The following TAX1BP1 variants were observed in gnomAD, a reference collection of about 807,000 sequenced individuals.
TAX1BP1 encodes the protein tax1-binding protein 1.
A neutral mutation model predicts 97.7 loss-of-function variants in TAX1BP1; 62 were observed. That is an observed-to-expected ratio of 0.63 (90% CI 0.52 to 0.78). The LOEUF (loss-of-function observed/expected upper bound fraction) is 0.78. Ranked by LOEUF, TAX1BP1 falls within the 30% of genes least tolerant of loss-of-function variation. The pLI is 0.00. For missense variants in TAX1BP1, 867 were observed against 916.1 expected (o/e 0.95, Z 0.69); for synonymous variants, 340 against 304.2 (o/e 1.12, Z -1.23).
chr7:27,785,158 C>T lies in TAX1BP1; in HGVS notation c.613-5C>T, dbSNP rs369150158. On this transcript the variant is annotated splice_polypyrimidine_tract_variant and splice_region_variant and intron_variant, in intron 5 of 16. Transcript: ENST00000396319. Reference sequence around the variant, plus strand: ...TTCTCAAAATACCTTGTTGTCACTTCTCAGGGTCTTACTGAAGTAACACAA... The same window carrying T: ...TTCTCAAAATACCTTGTTGTCACTTTTCAGGGTCTTACTGAAGTAACACAA... The T allele has an allele frequency of 6.9e-6, 11 of 1,599,544 alleles. No homozygotes were observed. The African/African-American group carries it at 1.5e-4, about 22-fold the overall frequency.
intron 13 of TAX1BP1, among the ~76,000 whole-genome samples, chr7:27,813,959 A>G (rs1005477535): frequency 3.3e-5 from 5 of 152,184 alleles, no homozygotes; most frequent in African/African-American, 1.2e-4. Context: ...CTCACTTAAC[A>G]TCATAGAGCA....
rs762253510 is a variant in TAX1BP1, at chr7:27,765,891, A to G, written c.323A>G (p.Lys108Arg). The G allele has an allele frequency of 2.3e-5, 37 of 1,614,050 alleles. 1 individual carries two copies. In the South Asian group the frequency reaches 3.8e-4, roughly 17 times the overall value. ...EFYQFCYVTH[K>R]GEIRGASTPF... ...TATCAGTTCTGTTACGTTACCCATAAGGGTGAAATTCGTGGAGCAAGTACA... is the reference window on the plus strand; with the variant it reads ...TATCAGTTCTGTTACGTTACCCATAGGGGTGAAATTCGTGGAGCAAGTACA... Residue 108 changes from lysine (K) to arginine (R), a missense_variant, in exon 4 of 17, where the codon AAG becomes AGG. Transcript: ENST00000396319.
chr7:27,768,365 C>G (rs996984747), intron 4 of TAX1BP1, among the ~76,000 whole-genome samples: 1 of 151,836 alleles, frequency 6.6e-6, no homozygotes, highest in Admixed American at 6.6e-5. Context: ...TTCCAAAATA[C>G]AAAATTGAGG....
chr7:27,755,800 A>G (rs547559789), intron 2 of TAX1BP1, among the ~76,000 whole-genome samples: 141 of 152,336 alleles, frequency 9.3e-4, no homozygotes, highest in African/African-American at 2.9e-3. Context: ...TGTGACTACA[A>G]TTAACTGGTT....
intron 15 of TAX1BP1, among the ~76,000 whole-genome samples, chr7:27,825,992 G>A (rs1791163930): frequency 6.6e-6 from 1 of 151,618 alleles, no homozygotes; most frequent in Non-Finnish European, 1.5e-5. Context: ...AGAAAATTTT[G>A]TTCCTTATCA....
intron 2 of TAX1BP1, among the ~76,000 whole-genome samples, chr7:27,750,166 A>G (rs1202005399): frequency 6.6e-6 from 1 of 152,198 alleles, no homozygotes; most frequent in Non-Finnish European, 1.5e-5. Flanking sequence ...TGTTTTCTGT[A>G]GTAACAGAGC....
At chr7:27,742,076 A>G (rs549540243) in intron 1 of TAX1BP1, among the ~76,000 whole-genome samples, 194 of 152,356 alleles carry the variant, frequency 1.3e-3, no homozygotes, top group Non-Finnish European at 1.8e-3. Context: ...GATGGAACGT[A>G]CAATCGGGTT....
chr7:27,794,753 A>T (rs527687684), intron 11 of TAX1BP1, among the ~76,000 whole-genome samples: 7 of 152,206 alleles, frequency 4.6e-5, no homozygotes, highest in African/African-American at 1.7e-4. Context: ...AAAAGCCACG[A>T]ATTGAATTTT....
Position 27,779,244 on chromosome 7 carries a change from C to A in TAX1BP1, c.613-5919C>A, listed in dbSNP as rs139756408. 1.0e-3 allele frequency among the ~76,000 whole-genome samples: 155 copies of A among 152,302 alleles called. 2 individuals are homozygous for A. Among genetic ancestry groups the A allele is most frequent in the Admixed American group, 4.2e-3 (64 of 15,296 alleles). On this transcript the variant is annotated intron_variant, in intron 5 of 16. Coordinates refer to ENST00000396319, the MANE Select transcript of TAX1BP1 (RefSeq NM_006024.7). ...GACTCCAGCCATCCTCTCACCCCAG[C>A]CTCTCAAGTAACTGGGACTACAGGT...
intron 15 of TAX1BP1, among the ~76,000 whole-genome samples, chr7:27,822,083 A>G (rs1790999423): frequency 6.6e-6 from 1 of 152,180 alleles, no homozygotes; most frequent in African/African-American, 2.4e-5. Flanking sequence ...CTGACATGAT[A>G]CTCAAAGGAA....
At chr7:27,810,648 C>G (rs570249591) in intron 13 of TAX1BP1, among the ~76,000 whole-genome samples, 5 of 152,256 alleles carry the variant, frequency 3.3e-5, no homozygotes, top group African/African-American at 1.2e-4. Context: ...TTCAACTTGT[C>G]TTTTCAGCTA....
chr7:27,809,518 C>G (rs1449085220), intron 13 of TAX1BP1, among the ~76,000 whole-genome samples: 1 of 152,210 alleles, frequency 6.6e-6, no homozygotes, highest in Non-Finnish European at 1.5e-5. Flanking sequence ...AGAACCTTCT[C>G]TAAGTCCAGG....
chr7:27,826,143 A>C (rs1224029078), intron 15 of TAX1BP1, among the ~76,000 whole-genome samples: 1 of 152,170 alleles, frequency 6.6e-6, no homozygotes, highest in African/African-American at 2.4e-5. Flanking sequence ...CTACTTTCTC[A>C]TCTTCCTTCT....
intron 11 of TAX1BP1, 49 bp from the exon 12 acceptor site, chr7:27,796,067 A>G (rs1789920709): frequency 2.1e-6 from 3 of 1,419,458 alleles, no homozygotes; most frequent in African/African-American, 2.9e-5. Context: ...GGAAGATAAT[A>G]TAAGGGGCAA....
At chr7:27,821,693 T>C (rs546814911) in intron 15 of TAX1BP1, among the ~76,000 whole-genome samples, 1 of 152,166 alleles carries the variant, frequency 6.6e-6, no homozygotes, top group South Asian at 2.1e-4. Flanking sequence ...ATTCACATAT[T>C]ATACAATTTG....
intron 13 of TAX1BP1, among the ~76,000 whole-genome samples, chr7:27,809,382 G>T (rs569807967): frequency 6.6e-6 from 1 of 152,158 alleles, no homozygotes; most frequent in Non-Finnish European, 1.5e-5. Flanking sequence ...CATTCCTAAT[G>T]GAAGAAAATC....
chr7:27,774,594 T>G (rs2128313574), intron 5 of TAX1BP1, among the ~76,000 whole-genome samples: 1 of 152,220 alleles, frequency 6.6e-6, no homozygotes, highest in East Asian at 1.9e-4. Context: ...TGACGTTTTA[T>G]TTGGAATATG....
intron 2 of TAX1BP1, among the ~76,000 whole-genome samples, chr7:27,751,683 C>T (rs1438971964): frequency 6.6e-6 from 1 of 152,014 alleles, no homozygotes; most frequent in Non-Finnish European, 1.5e-5. Flanking sequence ...TTGATAGACA[C>T]CATATTGACA....
intron 1 of TAX1BP1, among the ~76,000 whole-genome samples, chr7:27,744,656 TA>T (rs1308945602): frequency 6.6e-6 from 1 of 152,286 alleles, no homozygotes; most frequent in East Asian, 1.9e-4. Context: ...ATTTTTGGGC[TA>T]AAGTAAAACA....
Sources: allele counts gnomAD v4.1 joint callset (sites outside exome capture counted in the v4.1 genomes callset), GRCh38; gene constraint gnomAD v4.1.1; transcripts MANE v1.5; gene names NCBI Gene and HGNC (gene_info 2026-07-23, HGNC 2026-07-21).